The following CKAP5 variants were observed in gnomAD, a reference collection of about 807,000 sequenced individuals.
The protein encoded by CKAP5 is cytoskeleton associated protein 5, also known as cytoskeleton-associated protein 5.
A neutral mutation model predicts 232.8 loss-of-function variants in CKAP5; 27 were observed. That is an observed-to-expected ratio of 0.12 (90% CI 0.09 to 0.16). The LOEUF is 0.16. Ranked by LOEUF, CKAP5 falls within the 10% of genes least tolerant of loss-of-function variation. The probability of loss-of-function intolerance (pLI) is 1.00; values close to 1 mark genes in which losing one functional copy is unlikely to be tolerated. For missense variants in CKAP5, 1,838 were observed against 2,424.7 expected, an observed-to-expected ratio of 0.76 and a Z score of 5.08; for synonymous variants, 785 against 841.1, an observed-to-expected ratio of 0.93 and a Z score of 1.16.
chr11:46,835,916 G>A (rs2134715973), intron 1 of CKAP5, among the ~76,000 whole-genome samples: 1 of 152,242 alleles, frequency 6.6e-6, no homozygotes, highest in African/African-American at 2.4e-5. Flanking sequence ...GATGTCACAT[G>A]GATATCACAA....
At chr11:46,798,321 T>A (rs1385187147) in intron 9 of CKAP5, 149 bp from the exon 10 acceptor site, 3 of 644,686 alleles carry the variant, frequency 4.7e-6, no homozygotes, top group Non-Finnish European at 5.3e-6. Flanking sequence ...ATGCCTGTAA[T>A]CCCAGCACTT....
intron 17 of CKAP5, 102 bp downstream of exon 17, chr11:46,784,386 G>A: frequency 1.0e-6 from 1 of 958,576 alleles, no homozygotes; most frequent in Admixed American, 2.3e-5. Flanking sequence ...TATCAAAAAA[G>A]ATTTTACTTG....
chr11:46,826,499 T>C (rs554559360), intron 1 of CKAP5, among the ~76,000 whole-genome samples: 2 of 152,226 alleles, frequency 1.3e-5, no homozygotes, highest in Admixed American at 6.5e-5. Flanking sequence ...AACCCTCTCC[T>C]CACCCCAAGT....
rs563815969 is a variant in CKAP5, at chr11:46,832,311, CTAGT to C, written c.-37-11047_-37-11044del. ...TTCTAAGATTTTTGCCACTATTTTC[CTAGT>C]TAGTTACTTTTTTATTATAAGATCC... On this transcript the variant is annotated intron_variant, in intron 1 of 43. Coordinates refer to ENST00000529230, the MANE Select transcript of CKAP5 (RefSeq NM_001008938.4). Among the ~76,000 whole-genome samples, 438 of 152,156 alleles carry C rather than the reference CTAGT, an allele frequency of 2.9e-3. 2 individuals are homozygous for C. Among genetic ancestry groups the C allele is most frequent in the African/African-American group, 9.9e-3 (410 of 41,502 alleles).
Position 46,780,179 on chromosome 11 carries a change from T to C in CKAP5, c.2433+15A>G. The C allele has an allele frequency of 6.2e-7, 1 of 1,613,782 alleles. No homozygotes were observed. The highest frequency in any genetic ancestry group is 8.5e-7 in the Non-Finnish European group (1 of 1,179,804). ...CAAGTCCACTAACAGATTGTATCAT[T>C]TGTGGAAATTCTACCTTCTCAAATT... On this transcript the variant is annotated intron_variant, in intron 20 of 43. Transcript: ENST00000529230.
chr11:46,786,458 AT>A (rs2065394434), intron 16 of CKAP5, among the ~76,000 whole-genome samples: 1 of 152,212 alleles, frequency 6.6e-6, no homozygotes, highest in Admixed American at 6.5e-5. Flanking sequence ...AAGTCCTGTT[AT>A]TTGACTGGAC....
In CKAP5 at chr11:46,743,916, A is replaced by C; in HGVS notation, c.*107T>G. 2.2e-6 allele frequency: 3 copies of C among 1,373,078 alleles called. No individual in the cohort carries two copies. The highest frequency in any genetic ancestry group is 2.9e-5 in the African/African-American group (2 of 69,788). The allele number at this position is 1,373,078 out of a possible 1,614,324, so 85.1% of individuals were successfully genotyped here. ...CCTCCCCCTAGCTCCACGGCATGATACATACAACCAGTTTGTATACACTAG... is the reference window on the plus strand; with the variant it reads ...CCTCCCCCTAGCTCCACGGCATGATCCATACAACCAGTTTGTATACACTAG... On this transcript the variant is annotated 3_prime_UTR_variant, in exon 44 of 44. Transcript: ENST00000529230.
intron 42 of CKAP5, among the ~76,000 whole-genome samples, chr11:46,746,401 T>C (rs1464381790): frequency 6.6e-6 from 1 of 152,204 alleles, no homozygotes; most frequent in African/African-American, 2.4e-5. Flanking sequence ...ATTTATATCA[T>C]TTAACAAATA....
At chr11:46,842,795 A>G (rs1940086317) in intron 1 of CKAP5, among the ~76,000 whole-genome samples, 1 of 151,042 alleles carries the variant, frequency 6.6e-6, no homozygotes, top group Admixed American at 6.6e-5. Flanking sequence ...GTGAAACCCC[A>G]TCTCTACTGA....
chr11:46,821,658 C>T (rs1483161137), intron 1 of CKAP5, among the ~76,000 whole-genome samples: 1 of 151,998 alleles, frequency 6.6e-6, no homozygotes, highest in Non-Finnish European at 1.5e-5. Context: ...ATCCTGACCT[C>T]GTGATCCACC....
At chr11:46,822,468 T>A (rs748955253) in intron 1 of CKAP5, among the ~76,000 whole-genome samples, 16 of 151,906 alleles carry the variant, frequency 1.1e-4, no homozygotes, top group Admixed American at 5.2e-4. Flanking sequence ...ATAATCAATA[T>A]GGGGGTCGGG....
Position 46,744,056 on chromosome 11 carries a change from T to G in CKAP5, c.6066A>C (p.Lys2022Asn). ...GACTGCTCTTTATTCTCTCCAGTCTTTTTTTCAAGTCGTCTATGTTAGCTG... is the reference window on the plus strand; with the variant it reads ...GACTGCTCTTTATTCTCTCCAGTCTGTTTTTCAAGTCGTCTATGTTAGCTG... ...SSTANIDDLK[K>N]RLERIKSSRK The change falls in exon 44 of 44, where the codon AAA (lysine) becomes AAC (asparagine). Residue 2022 changes from lysine to asparagine, a missense_variant. Physicochemically the swap from Lys to Asn is moderately conservative, Grantham distance 94 (BLOSUM62 0). This residue lies in a region of CKAP5 where 62 missense variants were observed against 61.1 expected (regional missense o/e 1.01). Coordinates refer to ENST00000529230, the MANE Select transcript of CKAP5 (RefSeq NM_001008938.4). 1 of 1,613,610 alleles carries G rather than the reference T, an allele frequency of 6.2e-7. No individual in the cohort carries two copies. Among genetic ancestry groups the G allele is most frequent in the Non-Finnish European group, 8.5e-7 (1 of 1,180,026 alleles).
At chr11:46,824,029 C>T (rs1187594017) in intron 1 of CKAP5, among the ~76,000 whole-genome samples, 1 of 152,146 alleles carries the variant, frequency 6.6e-6, no homozygotes, top group East Asian at 1.9e-4. Flanking sequence ...CTGACATCAA[C>T]TATGTGAAGG....
chr11:46,756,636 T>C (rs2065112311), intron 35 of CKAP5, among the ~76,000 whole-genome samples: 1 of 152,358 alleles, frequency 6.6e-6, no homozygotes, highest in Non-Finnish European at 1.5e-5. Context: ...ACCTCAATTA[T>C]GTCCTTTAAA....
Position 46,828,936 on chromosome 11 carries a change from A to T in CKAP5, c.-37-7668T>A, listed in dbSNP as rs191357556. Among the ~76,000 whole-genome samples, 414 of 152,332 alleles carry T rather than the reference A, an allele frequency of 2.7e-3. 1 individual carries two copies. Among genetic ancestry groups the T allele is most frequent in the African/African-American group, 9.4e-3 (392 of 41,578 alleles). On this transcript the variant is annotated intron_variant, in intron 1 of 43. Transcript: ENST00000529230. ...TTAGCAAGATGAGAAAGTTCTGGAGATCTGTTTCATAACGATGTGAATATA... is the reference window on the plus strand; with the variant it reads ...TTAGCAAGATGAGAAAGTTCTGGAGTTCTGTTTCATAACGATGTGAATATA...
At chr11:46,831,750 T>G (rs1939798170) in intron 1 of CKAP5, among the ~76,000 whole-genome samples, 1 of 152,082 alleles carries the variant, frequency 6.6e-6, no homozygotes, top group Non-Finnish European at 1.5e-5. Flanking sequence ...CAGGCTGGTC[T>G]CGAACTCCCA....
intron 20 of CKAP5, among the ~76,000 whole-genome samples, chr11:46,779,127 C>T (rs1161146620): frequency 1.3e-5 from 2 of 152,010 alleles, no homozygotes. Context: ...ACAAACAAAA[C>T]ATAAAAATTT....
At chr11:46,810,226 C>T (rs1939244499) in intron 5 of CKAP5, among the ~76,000 whole-genome samples, 1 of 152,154 alleles carries the variant, frequency 6.6e-6, no homozygotes, top group Non-Finnish European at 1.5e-5. Context: ...CCTGCTTCAG[C>T]CTCCCAAAAT....
At chr11:46,765,375 A>C in intron 27 of CKAP5, 119 bp from the exon 28 acceptor site, 1 of 900,522 alleles carries the variant, frequency 1.1e-6, no homozygotes. Flanking sequence ...GTGATATTTC[A>C]CATGAAAAAA....
Sources: gnomAD v4.1 joint callset for allele counts (sites outside exome capture counted in the v4.1 genomes callset) on GRCh38, gnomAD v4.1.1 for gene constraint, gnomAD v4.1.1 regional missense constraint, MANE v1.5 for transcripts, NCBI Gene and HGNC (gene_info 2026-07-23, HGNC 2026-07-21) for gene names.